UVRAG: variants seen among roughly 807,000 people sequenced by gnomAD.
UVRAG encodes the protein UV radiation resistance associated.
A neutral mutation model predicts 78.0 loss-of-function variants in UVRAG; 19 were observed. The observed-to-expected ratio is 0.24, with a 90% CI of 0.17 to 0.36. The LOEUF (loss-of-function observed/expected upper bound fraction) is 0.36. Among genes scored for constraint, UVRAG ranks in the 10% least tolerant of loss-of-function variants. UVRAG has a pLI of 1.00. For missense variants in UVRAG, 740 were observed against 853.8 expected, an observed-to-expected ratio of 0.87 and a Z score of 1.66; for synonymous variants, 323 against 324.6, an observed-to-expected ratio of 1.00 and a Z score of 0.05.
intron 6 of UVRAG, among the ~76,000 whole-genome samples, chr11:75,920,773 T>C (rs1947964158): frequency 6.6e-6 from 1 of 152,204 alleles, no homozygotes; most frequent in Non-Finnish European, 1.5e-5. Context: ...TAATTTATGG[T>C]TTATGTATAT....
At chr11:76,095,590 G>C (rs1013102319) in intron 13 of UVRAG, among the ~76,000 whole-genome samples, 1 of 150,670 alleles carries the variant, frequency 6.6e-6, no homozygotes, top group African/African-American at 2.4e-5. Context: ...CCTTGGAGCT[G>C]GGTGTGGTAT....
At chr11:75,989,453 C>T (rs1319056987) in intron 8 of UVRAG, among the ~76,000 whole-genome samples, 2 of 152,102 alleles carry the variant, frequency 1.3e-5, no homozygotes, top group Non-Finnish European at 2.9e-5. Context: ...TTCTTGTTTT[C>T]CTTCTCTCAG....
At chr11:75,969,796 C>T (rs1386152856) in intron 7 of UVRAG, among the ~76,000 whole-genome samples, 1 of 152,118 alleles carries the variant, frequency 6.6e-6, no homozygotes, top group East Asian at 1.9e-4. Context: ...TGCCAAAAAT[C>T]GTTGTCCATG....
At chr11:75,865,591 C>T (rs1000887384) in intron 3 of UVRAG, among the ~76,000 whole-genome samples, 1 of 151,662 alleles carries the variant, frequency 6.6e-6, no homozygotes, top group Non-Finnish European at 1.5e-5. Context: ...TTAGACAGCA[C>T]AGTTCTAGAT....
chr11:76,085,169 A>G (rs1951566569), intron 13 of UVRAG, among the ~76,000 whole-genome samples: 1 of 151,678 alleles, frequency 6.6e-6, no homozygotes, highest in Admixed American at 6.6e-5. Flanking sequence ...CATTTATTAT[A>G]TCCTTTTGAG....
At chr11:75,830,108 G>A (rs1032286864) in intron 1 of UVRAG, among the ~76,000 whole-genome samples, 1 of 152,114 alleles carries the variant, frequency 6.6e-6, no homozygotes, top group African/African-American at 2.4e-5. Context: ...CCAAAGTGCT[G>A]GGATTACAGA....
At chr11:76,111,639 C>T (rs937989669) in intron 13 of UVRAG, among the ~76,000 whole-genome samples, 7 of 152,080 alleles carry the variant, frequency 4.6e-5, no homozygotes, top group Admixed American at 1.3e-4. Context: ...CAAATAAGAT[C>T]CAGATTATGC....
At chr11:75,943,294 A>G (rs1591046194) in intron 6 of UVRAG, among the ~76,000 whole-genome samples, 1 of 144,914 alleles carries the variant, frequency 6.9e-6, no homozygotes, top group Non-Finnish European at 1.5e-5. Context: ...AAAATCATTC[A>G]CTTTTCCTGT....
intron 14 of UVRAG, among the ~76,000 whole-genome samples, chr11:76,140,383 CAT>C (rs1288357781): frequency 6.6e-6 from 1 of 152,026 alleles, no homozygotes; most frequent in Non-Finnish European, 1.5e-5. Context: ...ATATCCTTCA[CAT>C]GTTTTTCTTG....
intron 12 of UVRAG, among the ~76,000 whole-genome samples, chr11:76,029,205 C>T (rs961855178): frequency 3.3e-5 from 5 of 152,228 alleles, no homozygotes; most frequent in South Asian, 2.1e-4. Context: ...TTGAGACCTA[C>T]GGCTCAGAAA....
chr11:76,003,662 G>A (rs1949866409), intron 8 of UVRAG, among the ~76,000 whole-genome samples: 1 of 151,910 alleles, frequency 6.6e-6, no homozygotes, highest in African/African-American at 2.4e-5. Context: ...TAGCATTTTT[G>A]GTTGGAAAGG....
intron 8 of UVRAG, among the ~76,000 whole-genome samples, chr11:75,986,890 T>C (rs989506537): frequency 6.6e-6 from 1 of 152,198 alleles, no homozygotes; most frequent in Non-Finnish European, 1.5e-5. Context: ...TTCATTTGTT[T>C]AGCGTAATAT....
intron 6 of UVRAG, chr11:75,930,756 A>C (rs930533970): frequency 1.3e-5 from 2 of 152,174 alleles, no homozygotes; most frequent in South Asian, 2.1e-4. Context: ...ATTTGAATAG[A>C]CTTGAAACAT....
At chr11:75,828,490 AT>A (rs1347645603) in intron 1 of UVRAG, among the ~76,000 whole-genome samples, 11 of 148,360 alleles carry the variant, frequency 7.4e-5, no homozygotes, top group African/African-American at 2.7e-4. Context: ...GATGATAATG[AT>A]TAATTAATTT....
chr11:75,915,727 T>C (rs533756394), intron 6 of UVRAG, among the ~76,000 whole-genome samples: 4 of 152,380 alleles, frequency 2.6e-5, no homozygotes, highest in African/African-American at 9.6e-5. Context: ...GGTTAAGGAA[T>C]ACAGGCTTAG....
At chr11:75,943,512 A>G (rs1948527195) in intron 6 of UVRAG, among the ~76,000 whole-genome samples, 2 of 152,122 alleles carry the variant, frequency 1.3e-5, no homozygotes, top group Non-Finnish European at 1.5e-5. Flanking sequence ...ATTATGAAAA[A>G]ATTTGGAATG....
chr11:75,977,269 G>A (rs1454623519), intron 7 of UVRAG, among the ~76,000 whole-genome samples: 3 of 152,192 alleles, frequency 2.0e-5, no homozygotes, highest in Admixed American at 2.0e-4. Context: ...TACATTTGCC[G>A]AGGAGGGCTT....
intron 3 of UVRAG, among the ~76,000 whole-genome samples, chr11:75,872,391 C>CTTT (rs558324580): frequency 0.011 from 1,451 of 137,154 alleles, 20 homozygotes; most frequent in African/African-American, 0.02. Context: ...CTAATGCTGC[C>CTTT]TTTTTTTTTT....
intron 6 of UVRAG, among the ~76,000 whole-genome samples, chr11:75,927,374 T>C (rs910091282): frequency 3.9e-5 from 6 of 152,122 alleles, no homozygotes; most frequent in Non-Finnish European, 7.4e-5. Context: ...TGGCCAGGGA[T>C]GTAATTTGGA....
Sources: allele counts gnomAD v4.1 joint callset (sites outside exome capture counted in the v4.1 genomes callset), GRCh38; gene constraint gnomAD v4.1.1; transcripts MANE v1.5; gene names NCBI Gene and HGNC (gene_info 2026-07-23, HGNC 2026-07-21).